KIFC3: variants seen among roughly 807,000 people sequenced by gnomAD.
KIFC3 encodes kinesin family member C3.
Under a neutral mutation model 101.8 loss-of-function variants are expected in KIFC3, and 60 were observed. The observed-to-expected ratio is 0.59, with a 90% CI of 0.48 to 0.73. The LOEUF (loss-of-function observed/expected upper bound fraction) is 0.73. Among genes scored for constraint, KIFC3 ranks in the 30% least tolerant of loss-of-function variants. The pLI, the probability that KIFC3 is intolerant of heterozygous loss-of-function variation, is 0.00. For synonymous variants in KIFC3, 476 were observed against 482.7 expected (o/e 0.99, Z 0.18); for missense variants, 966 against 1,137.1 (o/e 0.85, Z 2.16).
chr16:57,847,760 T>TTGTG (rs35081728), intron 1 of KIFC3, among the ~76,000 whole-genome samples: 14,616 of 139,658 alleles, frequency 0.1, 803 homozygotes, highest in Admixed American at 0.15. Context: ...CCAGATGAAT[T>TTGTG]TGTGTGTGTG....
At chr16:57,800,636 T>C (rs375031975) in intron 1 of KIFC3, among the ~76,000 whole-genome samples, 15 of 152,142 alleles carry the variant, frequency 9.9e-5, no homozygotes, top group African/African-American at 3.4e-4. Context: ...CAGGAGGAGA[T>C]AGCGTTTCTG....
upstream of KIFC3, chr16:57,802,531 G>C (rs1568065923): frequency 1.0e-6 from 1 of 986,018 alleles, no homozygotes; most frequent in Non-Finnish European, 1.2e-6. The surrounding 1 kb of genome is among the most constrained non-coding windows in gnomAD (Gnocchi z 5.0). Context: ...CTCGGGCCGC[G>C]GCGCGTTCCC....
intron 1 of KIFC3, among the ~76,000 whole-genome samples, chr16:57,825,842 T>A (rs1555630702): frequency 1.3e-5 from 2 of 152,104 alleles, no homozygotes; most frequent in African/African-American, 4.8e-5. Flanking sequence ...CCACCATGAC[T>A]GGCTAATTTT....
chr16:57,809,458 C>CA (rs1555627518), intron 1 of KIFC3, among the ~76,000 whole-genome samples: 5 of 152,090 alleles, frequency 3.3e-5, no homozygotes, highest in African/African-American at 7.2e-5. Context: ...CTGCACCCAG[C>CA]AAAAAACTAT....
intron 17 of KIFC3, 91 bp from the exon 18 acceptor site, chr16:57,759,927 C>CT: frequency 5.2e-6 from 5 of 954,766 alleles, no homozygotes; most frequent in Non-Finnish European, 6.2e-6. Context: ...GCCCTGCCTC[C>CT]TAACACCCAG....
intron 1 of KIFC3, among the ~76,000 whole-genome samples, chr16:57,826,967 G>A (rs2055471802): frequency 6.6e-6 from 1 of 152,184 alleles, no homozygotes; most frequent in African/African-American, 2.4e-5. Flanking sequence ...CCTCCCTGCA[G>A]CTGCTGCCTT....
intron 1 of KIFC3, among the ~76,000 whole-genome samples, chr16:57,838,002 G>C (rs114238571): frequency 0.014 from 2,187 of 152,254 alleles, 55 homozygotes; most frequent in African/African-American, 0.051. Context: ...ACACTGGCTT[G>C]CTGAACCAGG....
chr16:57,764,860 C>G (rs2050283241), intron 11 of KIFC3, among the ~76,000 whole-genome samples: 1 of 109,718 alleles, frequency 9.1e-6, no homozygotes, highest in Non-Finnish European at 1.8e-5. Flanking sequence ...TGGGAGGGGC[C>G]TGAAAGTGGG....
intron 3 of KIFC3, chr16:57,775,604 A>G: frequency 1.0e-6 from 1 of 985,684 alleles, no homozygotes; most frequent in African/African-American, 1.7e-5. Flanking sequence ...TCCTCAGGGA[A>G]GACTGAGGGC....
intron 1 of KIFC3, among the ~76,000 whole-genome samples, chr16:57,823,359 GTC>G (rs1463628150): frequency 1.3e-5 from 2 of 152,084 alleles, no homozygotes; most frequent in Admixed American, 1.3e-4. Context: ...GATATATTAT[GTC>G]TCCCTAAAAT....
At chr16:57,848,951 C>T (rs2055993089) in intron 1 of KIFC3, among the ~76,000 whole-genome samples, 1 of 152,150 alleles carries the variant, frequency 6.6e-6, no homozygotes, top group African/African-American at 2.4e-5. Context: ...GATTTAATTT[C>T]TTCTCTCTTC....
intron 3 of KIFC3, chr16:57,788,513 G>A: frequency 8.1e-7 from 1 of 1,237,320 alleles, no homozygotes; most frequent in Non-Finnish European, 1.0e-6. Flanking sequence ...AACTGCACAA[G>A]AGCCTCCCTC....
intron 1 of KIFC3, among the ~76,000 whole-genome samples, chr16:57,842,482 A>G (rs1178842964): frequency 2.0e-5 from 3 of 152,204 alleles, no homozygotes; most frequent in Admixed American, 6.5e-5. Context: ...ACTCACATCC[A>G]ATGCCAGCCT....
chr16:57,804,573 G>A (rs74695790), upstream of KIFC3, among the ~76,000 whole-genome samples: 58 of 152,310 alleles, frequency 3.8e-4, 1 homozygote, highest in East Asian at 8.1e-3. Flanking sequence ...GATTTGAAAC[G>A]TAAAAACTAC....
intron 1 of KIFC3, among the ~76,000 whole-genome samples, chr16:57,841,420 C>T (rs893026845): frequency 2.6e-5 from 4 of 152,168 alleles, no homozygotes; most frequent in South Asian, 2.1e-4. Context: ...AATCCCAGCA[C>T]CTTGGGAGGT....
At chr16:57,781,246 C>T (rs1555614457) in intron 3 of KIFC3, among the ~76,000 whole-genome samples, 1 of 152,114 alleles carries the variant, frequency 6.6e-6, no homozygotes, top group Non-Finnish European at 1.5e-5. Flanking sequence ...GCCCGGGAGG[C>T]AGGGGCTACA....
chr16:57,818,135 T>C (rs910059873), intron 1 of KIFC3, among the ~76,000 whole-genome samples: 2 of 151,960 alleles, frequency 1.3e-5, no homozygotes, highest in Non-Finnish European at 2.9e-5. Flanking sequence ...TTAGTAGAGA[T>C]GGAATTTCAC....
intron 12 of KIFC3, among the ~76,000 whole-genome samples, chr16:57,762,697 A>G (rs2050008590): frequency 6.6e-6 from 1 of 152,028 alleles, no homozygotes; most frequent in Admixed American, 6.5e-5. Context: ...CACAAGGAGG[A>G]GCGGGCCAGT....
rs146806727 is a variant in KIFC3, at chr16:57,771,572, C to T, written c.496G>A (p.Gly166Ser). 4.0e-5 allele frequency: 65 copies of T among 1,613,416 alleles called. No homozygotes were observed. Among genetic ancestry groups the T allele is most frequent in the Non-Finnish European group, 5.3e-5 (62 of 1,180,008 alleles). The change falls in exon 5 of 20, where the codon GGT (glycine) becomes AGT (serine). Residue 166 changes from glycine (G) to serine (S), a missense_variant. Coordinates refer to ENST00000445690, the MANE Select transcript of KIFC3 (RefSeq NM_001130100.2). The part of the protein sequence containing the change: ...ELQELRTKPA[G>S]PCPGCEHSQE... The stretch of plus-strand genomic sequence containing the variant: ...CTGTGCTCACAACCTGGGCAGGGAC[C>T]TGCTGGCTTTGTGCGCAGCTCTTGC...
Sources: allele counts gnomAD v4.1 joint callset (sites outside exome capture counted in the v4.1 genomes callset), GRCh38; gene constraint gnomAD v4.1.1; non-coding constraint Gnocchi (gnomAD v3.1); transcripts MANE v1.5; gene names NCBI Gene and HGNC (gene_info 2026-07-23, HGNC 2026-07-21).